The following COL22A1 variants were observed in gnomAD, a reference collection of about 807,000 sequenced individuals.
The protein encoded by COL22A1 is collagen alpha-1(XXII) chain.
COL22A1 carries 221 observed loss-of-function variants against 248.9 expected under a neutral mutation model. That is an observed-to-expected ratio of 0.89 (90% CI 0.80 to 0.99). The LOEUF is 0.99. Ranked by LOEUF, COL22A1 falls within the 50% of genes least tolerant of loss-of-function variation. The pLI is 0.00. For missense variants in COL22A1, 2,240 were observed against 2,179.0 expected (o/e 1.03, Z -0.56); for synonymous variants, 891 against 793.4 (o/e 1.12, Z -2.07).
chr8:138,656,064 C>T (rs1196975293), intron 44 of COL22A1, 120 bp from the exon 45 acceptor site: 12 of 788,008 alleles, frequency 1.5e-5, no homozygotes, highest in Admixed American at 2.1e-5. Flanking sequence ...CTGCGCCGTG[C>T]GTGGGATACG....
intron 16 of COL22A1, among the ~76,000 whole-genome samples, chr8:138,772,042 G>T (rs1482745426): frequency 6.6e-6 from 1 of 152,158 alleles, no homozygotes; most frequent in African/African-American, 2.4e-5. Flanking sequence ...GCAGCTTCCT[G>T]TTGGCCGTCT....
intron 30 of COL22A1, among the ~76,000 whole-genome samples, chr8:138,710,684 A>G (rs1403319248): frequency 6.6e-6 from 1 of 152,048 alleles, no homozygotes; most frequent in Non-Finnish European, 1.5e-5. Flanking sequence ...TAAGTCACAC[A>G]TTCTGCAAAT....
Position 138,662,080 on chromosome 8 carries a change from A to C in COL22A1, c.3190T>G (p.Ser1064Ala). The change falls in exon 43 of 65, where the codon TCA becomes GCA. Residue 1064 changes from serine (S) to alanine (A), a missense_variant. Physicochemically the swap from Ser to Ala is moderately conservative, Grantham distance 99. Transcript: ENST00000303045. ...GPPGDKGSPGSRGLPGFPGPQ... is the reference protein window; with the variant it reads ...GPPGDKGSPGARGLPGFPGPQ... ...CCAGGGAATCCAGGTAAGCCTCGTG[A>C]TCCCTGAAGAAAAAGAAAAGAAGAC... 1.2e-6 allele frequency: 2 copies of C among 1,612,072 alleles called. No homozygotes were observed. The highest frequency in any genetic ancestry group is 1.7e-6 in the Non-Finnish European group (2 of 1,179,018).
intron 1 of COL22A1, among the ~76,000 whole-genome samples, chr8:138,904,360 C>T (rs994180729): frequency 6.6e-6 from 1 of 152,044 alleles, no homozygotes; most frequent in Non-Finnish European, 1.5e-5. Context: ...CCTTACCACC[C>T]GCCACCCCCT....
intron 37 of COL22A1, among the ~76,000 whole-genome samples, chr8:138,687,011 C>T (rs981765756): frequency 6.6e-6 from 1 of 152,160 alleles, no homozygotes; most frequent in Non-Finnish European, 1.5e-5. Context: ...GACTGGAGTG[C>T]AGTGATGTGA....
chr8:138,602,009 G>T lies in COL22A1; in HGVS notation c.4185+106C>A, dbSNP rs1818058707. On this transcript the variant is annotated intron_variant, in intron 60 of 64. Transcript: ENST00000303045. ...AATCACTACAGGCGGCATGATCCAG[G>T]CGGGTGTTTACTAACTGCCTTGGAC... 69 of 1,141,788 alleles carry T rather than the reference G, an allele frequency of 6.0e-5. 1 individual carries two copies. In the South Asian group the frequency reaches 8.7e-4, roughly 14 times the overall value. The allele number at this position is 1,141,788 out of a possible 1,614,324, so 70.7% of individuals were successfully genotyped here.
chr8:138,653,811 T>A (rs1822970231), intron 45 of COL22A1, among the ~76,000 whole-genome samples: 1 of 152,020 alleles, frequency 6.6e-6, no homozygotes, highest in African/African-American at 2.4e-5. Flanking sequence ...ACTTACAACA[T>A]CGAGATGACA....
At chr8:138,740,810 A>G (rs1331351205) in intron 22 of COL22A1, among the ~76,000 whole-genome samples, 1 of 152,170 alleles carries the variant, frequency 6.6e-6, no homozygotes, top group Non-Finnish European at 1.5e-5. Flanking sequence ...CATCATCCAG[A>G]GAAGCCTCAG....
chr8:138,879,237 A>T (rs1234355597), intron 2 of COL22A1, among the ~76,000 whole-genome samples: 1 of 152,172 alleles, frequency 6.6e-6, no homozygotes, highest in African/African-American at 2.4e-5. Flanking sequence ...GCTGGTTTCC[A>T]TGGCTGCAAA....
intron 17 of COL22A1, 84 bp from the exon 18 acceptor site, chr8:138,760,371 A>C: frequency 7.8e-7 from 1 of 1,283,914 alleles, no homozygotes. Context: ...GTTGAAAGAC[A>C]GCTGCCCACT....
chr8:138,822,152 C>A (rs765718761), intron 6 of COL22A1, among the ~76,000 whole-genome samples: 1 of 152,120 alleles, frequency 6.6e-6, no homozygotes, highest in East Asian at 1.9e-4. Flanking sequence ...TTAAGCAATT[C>A]TCTTCTCCCG....
At chr8:138,630,933 A>T (rs760040315) in intron 49 of COL22A1, among the ~76,000 whole-genome samples, 185 bp from the exon 50 acceptor site, 1 of 152,144 alleles carries the variant, frequency 6.6e-6, no homozygotes, top group Non-Finnish European at 1.5e-5. Context: ...ATGGAGACAG[A>T]TCTCTCACGA....
chr8:138,845,979 GGTATAAGT>G (rs910521684), intron 3 of COL22A1, among the ~76,000 whole-genome samples: 7 of 152,122 alleles, frequency 4.6e-5, no homozygotes, highest in African/African-American at 7.2e-5. Context: ...CATATTTGAG[GGTATAAGT>G]GTCTCAGTGC....
At chr8:138,866,023 G>C (rs1822872201) in intron 3 of COL22A1, among the ~76,000 whole-genome samples, 1 of 152,130 alleles carries the variant, frequency 6.6e-6, no homozygotes, top group South Asian at 2.1e-4. Flanking sequence ...ATGACTCTGT[G>C]TGTGTGTGTG....
intron 31 of COL22A1, among the ~76,000 whole-genome samples, chr8:138,702,630 A>C (rs1333836738): frequency 6.6e-6 from 1 of 152,118 alleles, no homozygotes; most frequent in Non-Finnish European, 1.5e-5. Context: ...AAAAAAGAAA[A>C]AGAAAAATGT....
chr8:138,667,876 C>T (rs73449693), intron 41 of COL22A1, among the ~76,000 whole-genome samples: 11,429 of 151,988 alleles, frequency 0.075, 466 homozygotes, highest in African/African-American at 0.079. Flanking sequence ...TTGCCAACAA[C>T]ATCAAGCCAG....
intron 7 of COL22A1, among the ~76,000 whole-genome samples, chr8:138,820,284 T>C (rs1818998057): frequency 6.6e-6 from 1 of 152,216 alleles, no homozygotes; most frequent in African/African-American, 2.4e-5. Context: ...TGTTTCCTGT[T>C]ATTTCTCAGG....
chr8:138,637,269 G>T (rs1821267713), intron 47 of COL22A1, among the ~76,000 whole-genome samples: 2 of 152,286 alleles, frequency 1.3e-5, no homozygotes, highest in South Asian at 4.2e-4. Context: ...CCCAGGGTCT[G>T]CAGGCCTTGC....
chr8:138,764,028 C>T (rs749767213), intron 16 of COL22A1, among the ~76,000 whole-genome samples: 4 of 152,178 alleles, frequency 2.6e-5, no homozygotes, highest in Non-Finnish European at 5.9e-5. Context: ...GTTGAACTCT[C>T]CTTCTATTTC....
Sources: allele counts gnomAD v4.1 joint callset (sites outside exome capture counted in the v4.1 genomes callset), GRCh38; gene constraint gnomAD v4.1.1; transcripts MANE v1.5; gene names NCBI Gene and HGNC (gene_info 2026-07-23, HGNC 2026-07-21).